TIGD5: variants seen among roughly 807,000 people sequenced by gnomAD.
TIGD5 encodes the protein tigger transposable element-derived protein 5.
TIGD5 carries 24 observed loss-of-function variants against 28.8 expected under a neutral mutation model. The observed-to-expected ratio is 0.83, with a 90% CI of 0.60 to 1.17. The LOEUF is 1.17. Ranked by LOEUF, TIGD5 falls within the 50% of genes most tolerant of loss-of-function variation. The pLI is 0.00. For synonymous variants in TIGD5, 538 were observed against 430.5 expected (o/e 1.25, Z -3.09); for missense variants, 922 against 911.4 (o/e 1.01, Z -0.15).
At position 143,598,404 on chromosome 8, in the gene TIGD5, C is replaced by T; in HGVS notation, c.501C>T (p.Ala167=). Residue 167 remains alanine, a synonymous_variant, in exon 1 of 1, where the codon GCC becomes GCT. Transcript: ENST00000504548. The surrounding 1 kb of genome is among the most constrained non-coding windows in gnomAD (Gnocchi z 6.6). ...QIYGPECTFK[A]SHGWFWRWQK... ...ACGGGCCCGAGTGCACCTTCAAGGC[C>T]AGCCACGGCTGGTTCTGGCGCTGGC... The T allele has an allele frequency of 6.5e-7, 1 of 1,530,452 alleles. No individual in the cohort carries two copies. The highest frequency in any genetic ancestry group is 8.8e-7 in the Non-Finnish European group (1 of 1,142,572). 94.8% of individuals were successfully genotyped at this position (1,530,452 alleles called of 1,614,324 possible).
chr8:143,598,601 A>T lies in TIGD5; in HGVS notation c.698A>T (p.Asp233Val). 1 of 1,205,930 alleles carries T rather than the reference A, an allele frequency of 8.3e-7. No individual in the cohort carries two copies. The highest frequency in any genetic ancestry group is 5.7e-5 in the East Asian group (1 of 17,604). The allele number at this position is 1,205,930 out of a possible 1,614,324, so 74.7% of individuals were successfully genotyped here. Residue 233 changes from aspartate (D) to valine (V), a missense_variant, in exon 1 of 1, where the codon GAC becomes GTC. By Grantham distance (152) the Asp-to-Val change is radical. Coordinates refer to ENST00000504548, the MANE Select transcript of TIGD5 (RefSeq NM_032862.5). This position sits in a 1 kb window ranked among gnomAD's most constrained non-coding sequence, Gnocchi z 6.6. Reference sequence around the variant, plus strand: ...CCCCCGGCCGAGGGCGGCTACGGGGACGAGCAGATTTACAGCGCCAGCGTC... The same window carrying T: ...CCCCCGGCCGAGGGCGGCTACGGGGTCGAGCAGATTTACAGCGCCAGCGTC... ...PPPPAEGGYG[D>V]EQIYSASVTG...
rs906479985 is a variant in TIGD5, at chr8:143,601,647, C to A, written c.*1815C>A. 2 of 152,428 alleles carry A rather than the reference C, an allele frequency of 1.3e-5. No individual in the cohort carries two copies. Among genetic ancestry groups the A allele is most frequent in the African/African-American group, 2.4e-5 (1 of 41,484 alleles). 9.4% of individuals were successfully genotyped at this position (152,428 alleles called of 1,614,324 possible). ...TCTTTGGCGAGGCTTTCATTTCCAACCTTTCTTCCCATCTCAGCCCTTTTG... is the reference window on the plus strand; with the variant it reads ...TCTTTGGCGAGGCTTTCATTTCCAAACTTTCTTCCCATCTCAGCCCTTTTG... On this transcript the variant is annotated 3_prime_UTR_variant, in exon 1 of 1. Coordinates refer to ENST00000504548, the MANE Select transcript of TIGD5 (RefSeq NM_032862.5).
chr8:143,599,575 C>A lies in TIGD5; in HGVS notation c.1672C>A (p.Pro558Thr). The stretch of plus-strand genomic sequence containing the variant: ...GGGCCCAGCCCTGCCCCCTGCAGCG[C>A]CTCCGGCCCCAGCCAGTCTGCCCTC... ...EVGPALPPAAPPAPASLPSAM... is the reference protein window; with the variant it reads ...EVGPALPPAATPAPASLPSAM... The change falls in exon 1 of 1, where the codon CCT becomes ACT. Residue 558 changes from proline to threonine, a missense_variant. Physicochemically the swap from Pro to Thr is conservative, Grantham distance 38. Around this residue, in one of 3 missense-constraint regions of TIGD5, gnomAD observed 821 missense variants for 815.2 expected, o/e 1.01. Coordinates refer to ENST00000504548, the MANE Select transcript of TIGD5 (RefSeq NM_032862.5). 6.5e-7 allele frequency: 1 copy of A among 1,534,936 alleles called. No homozygotes were observed. Among genetic ancestry groups the A allele is most frequent in the Non-Finnish European group, 8.7e-7 (1 of 1,144,276 alleles).
Position 143,598,974 on chromosome 8 carries a change from G to T in TIGD5, c.1071G>T (p.Val357=). ...TGCAGCAGAAGGCCGTGCTGCTGGT[G>T]GCCCACCCGCCCTGCCCAAGCCCAG... is the stretch of plus-strand genomic sequence containing the variant. ...SCLQQKAVLL[V]AHPPCPSPAA... The change falls in exon 1 of 1, where the codon GTG becomes GTT. Residue 357 remains valine (V), a synonymous_variant. Coordinates refer to ENST00000504548, the MANE Select transcript of TIGD5 (RefSeq NM_032862.5). This position sits in a 1 kb window ranked among gnomAD's most constrained non-coding sequence, Gnocchi z 6.6. 2 of 1,578,126 alleles carry T rather than the reference G, an allele frequency of 1.3e-6. No homozygotes were observed. Among genetic ancestry groups the T allele is most frequent in the South Asian group, 1.1e-5 (1 of 87,788 alleles).
Position 143,598,578 on chromosome 8 carries a change from C to G in TIGD5, c.675C>G (p.Pro225=), listed in dbSNP as rs1244837574. The G allele has an allele frequency of 9.0e-6, 12 of 1,339,300 alleles. No homozygotes were observed. The highest frequency in any genetic ancestry group is 1.1e-5 in the Non-Finnish European group (12 of 1,052,556). The allele number at this position is 1,339,300 out of a possible 1,614,324, so 83.0% of individuals were successfully genotyped here. A position where few individuals can be genotyped will look rare whatever the true frequency, so the allele number is the denominator to read the frequency against. ...PLPDRAPAPP[P]PAEGGYGDEQ... is the part of the protein sequence containing the mutation. ...CCGACCGCGCCCCGGCCCCGCCGCCCCCGGCCGAGGGCGGCTACGGGGACG... is the reference window on the plus strand; with the variant it reads ...CCGACCGCGCCCCGGCCCCGCCGCCGCCGGCCGAGGGCGGCTACGGGGACG... The change falls in exon 1 of 1, where the codon CCC becomes CCG. Residue 225 remains proline, a synonymous_variant. Coordinates refer to ENST00000504548, the MANE Select transcript of TIGD5 (RefSeq NM_032862.5). The surrounding 1 kb of genome is among the most constrained non-coding windows in gnomAD (Gnocchi z 6.6).
At position 143,598,477 on chromosome 8, in the gene TIGD5, C is replaced by T. The variant is rs1221868779; in HGVS notation, c.574C>T (p.Pro192Ser). 3.5e-6 allele frequency: 5 copies of T among 1,417,262 alleles called. No homozygotes were observed. The highest frequency in any genetic ancestry group is 6.0e-5 in the East Asian group (2 of 33,432). 87.8% of individuals were successfully genotyped at this position (1,417,262 alleles called of 1,614,324 possible). Residue 192 changes from proline (P) to serine (S), a missense_variant, in exon 1 of 1, where the codon CCC becomes TCC. By Grantham distance (74) the Pro-to-Ser change is moderately conservative. Coordinates refer to ENST00000504548, the MANE Select transcript of TIGD5 (RefSeq NM_032862.5). The surrounding 1 kb of genome is among the most constrained non-coding windows in gnomAD (Gnocchi z 6.6). ...CCAGCGCTTCTACGGCGAGGCCGGG[C>T]CCCCAGCCCCGAGCCCCGCGCCCGG... is the stretch of plus-strand genomic sequence containing the variant. Reference protein sequence around the residue: ...SSQRFYGEAGPPAPSPAPGPP... With the variant: ...SSQRFYGEAGSPAPSPAPGPP...
Position 143,598,078 on chromosome 8 carries a change from A to G in TIGD5, c.175A>G (p.Lys59Glu). The change falls in exon 1 of 1, where the codon AAG (lysine) becomes GAG (glutamate). Residue 59 changes from lysine to glutamate, a missense_variant. Around this residue, in one of 3 missense-constraint regions of TIGD5, gnomAD observed 14 missense variants for 35.3 expected, o/e 0.40. Transcript: ENST00000504548. This position sits in a 1 kb window ranked among gnomAD's most constrained non-coding sequence, Gnocchi z 6.6. ...GGCCTTCCGCAAGGCCTACTCCATC[A>G]AGGACAAGCTGCAGGCCATCGAGCG... Reference protein sequence around the residue: ...KMAFRKAYSIKDKLQAIERVK... With the variant: ...KMAFRKAYSIEDKLQAIERVK... The G allele has an allele frequency of 6.5e-7, 1 of 1,526,744 alleles. No individual in the cohort carries two copies. Among genetic ancestry groups the G allele is most frequent in the Non-Finnish European group, 8.8e-7 (1 of 1,142,114 alleles). 94.6% of individuals were successfully genotyped at this position (1,526,744 alleles called of 1,614,324 possible). A position where few individuals can be genotyped will look rare whatever the true frequency, so the allele number is the denominator to read the frequency against.
At position 143,601,171 on chromosome 8, in the gene TIGD5, G is replaced by A. The variant is rs1251652504; in HGVS notation, c.*1339G>A. 3.3e-5 allele frequency: 5 copies of A among 152,178 alleles called. No individual in the cohort carries two copies. Among genetic ancestry groups the A allele is most frequent in the Non-Finnish European group, 7.3e-5 (5 of 68,056 alleles). The allele number at this position is 152,178 out of a possible 1,614,324, so 9.4% of individuals were successfully genotyped here. ...TCCCCCAAAAGTGACCTTTATACAG[G>A]TCCAGGAACAAACAGTTCCTTGGAA... On this transcript the variant is annotated 3_prime_UTR_variant, in exon 1 of 1. Coordinates refer to ENST00000504548, the MANE Select transcript of TIGD5 (RefSeq NM_032862.5).
rs139786888 is a variant in TIGD5 at position 143,600,181 on chromosome 8, C to T, written c.*349C>T. ...CCCTGCACCAGTCACATGCACTGGA[C>T]GAGGGCCGAAACTCCTGTCTGCTAT... is the stretch of plus-strand genomic sequence containing the variant. On this transcript the variant is annotated 3_prime_UTR_variant, in exon 1 of 1. Transcript: ENST00000504548. 6.7e-5 allele frequency: 20 copies of T among 297,268 alleles called. No homozygotes were observed. Among genetic ancestry groups the T allele is most frequent in the Non-Finnish European group, 1.1e-4 (18 of 161,120 alleles). The allele number at this position is 297,268 out of a possible 1,614,324, so 18.4% of individuals were successfully genotyped here. A position where few individuals can be genotyped will look rare whatever the true frequency, so the allele number is the denominator to read the frequency against.
rs1182896054 is a variant in TIGD5 at position 143,598,461 on chromosome 8, C to G, written c.558C>G (p.Phe186Leu). 51 of 1,466,954 alleles carry G rather than the reference C, an allele frequency of 3.5e-5. No individual in the cohort carries two copies. The highest frequency in any genetic ancestry group is 4.3e-5 in the Non-Finnish European group (48 of 1,112,994). The allele number at this position is 1,466,954 out of a possible 1,614,324, so 90.9% of individuals were successfully genotyped here. ...QKRHGISSQRFYGEAGPPAPS... is the reference protein window; with the variant it reads ...QKRHGISSQRLYGEAGPPAPS... ...GCCACGGCATCTCCAGCCAGCGCTT[C>G]TACGGCGAGGCCGGGCCCCCAGCCC... The change falls in exon 1 of 1, where the codon TTC (phenylalanine) becomes TTG (leucine). Residue 186 changes from phenylalanine to leucine, a missense_variant. By Grantham distance (22) the Phe-to-Leu change is conservative (BLOSUM62 0). This residue lies in a region of TIGD5 where 821 missense variants were observed against 815.2 expected (regional missense o/e 1.01). Transcript: ENST00000504548. This position sits in a 1 kb window ranked among gnomAD's most constrained non-coding sequence, Gnocchi z 6.6.
At position 143,599,478 on chromosome 8, in the gene TIGD5, T is replaced by C. The variant is rs751877994; in HGVS notation, c.1575T>C (p.Ala525=). ...HLAALAYKCL[A]PEEVAEWLHL... is the part of the protein sequence containing the mutation. Reference sequence around the variant, plus strand: ...CGGCTCTGGCCTACAAGTGCCTGGCTCCGGAGGAGGTTGCGGAGTGGCTGC... The same window carrying C: ...CGGCTCTGGCCTACAAGTGCCTGGCCCCGGAGGAGGTTGCGGAGTGGCTGC... The change falls in exon 1 of 1, where the codon GCT becomes GCC. Residue 525 remains alanine, a synonymous_variant. Transcript: ENST00000504548. The C allele has an allele frequency of 1.9e-6, 3 of 1,592,360 alleles. No individual in the cohort carries two copies. The highest frequency in any genetic ancestry group is 2.6e-6 in the Non-Finnish European group (3 of 1,170,338).
In TIGD5 at chr8:143,598,147, G is replaced by A. The variant is rs757572588; in HGVS notation, c.244G>A (p.Gly82Ser). The change falls in exon 1 of 1, where the codon GGC becomes AGC. Residue 82 changes from glycine to serine, a missense_variant. Gly to Ser is a moderately conservative substitution (Grantham distance 56, BLOSUM62 0). This residue lies in a region of TIGD5 where 821 missense variants were observed against 815.2 expected (regional missense o/e 1.01). Coordinates refer to ENST00000504548, the MANE Select transcript of TIGD5 (RefSeq NM_032862.5). The surrounding 1 kb of genome is among the most constrained non-coding windows in gnomAD (Gnocchi z 6.6). Reference sequence around the variant, plus strand: ...GCAGGCCAGTGTGTGCCGCGACTTCGGCGTGCCGGGCGGGACGCTGCGCGG... The same window carrying A: ...GCAGGCCAGTGTGTGCCGCGACTTCAGCGTGCCGGGCGGGACGCTGCGCGG... ...ERQASVCRDFGVPGGTLRGWL... is the reference protein window; with the variant it reads ...ERQASVCRDFSVPGGTLRGWL... 6.3e-7 allele frequency: 1 copy of A among 1,592,530 alleles called. No individual in the cohort carries two copies. The highest frequency in any genetic ancestry group is 1.7e-5 in the Admixed American group (1 of 58,454).
chr8:143,598,465 G>A lies in TIGD5; in HGVS notation c.562G>A (p.Gly188Ser), dbSNP rs1829147519. 1 of 1,460,150 alleles carries A rather than the reference G, an allele frequency of 6.8e-7. No individual in the cohort carries two copies. The highest frequency in any genetic ancestry group is 9.0e-7 in the Non-Finnish European group (1 of 1,109,876). The allele number at this position is 1,460,150 out of a possible 1,614,324, so 90.4% of individuals were successfully genotyped here. A position where few individuals can be genotyped will look rare whatever the true frequency, so the allele number is the denominator to read the frequency against. The change falls in exon 1 of 1, where the codon GGC (glycine) becomes AGC (serine). Residue 188 changes from glycine to serine, a missense_variant. This residue lies in a region of TIGD5 where 821 missense variants were observed against 815.2 expected (regional missense o/e 1.01). Transcript: ENST00000504548. This position sits in a 1 kb window ranked among gnomAD's most constrained non-coding sequence, Gnocchi z 6.6. ...CGGCATCTCCAGCCAGCGCTTCTACGGCGAGGCCGGGCCCCCAGCCCCGAG... is the reference window on the plus strand; with the variant it reads ...CGGCATCTCCAGCCAGCGCTTCTACAGCGAGGCCGGGCCCCCAGCCCCGAG... ...RHGISSQRFY[G>S]EAGPPAPSPA...
chr8:143,599,102 G>A lies in TIGD5; in HGVS notation c.1199G>A (p.Arg400Gln). 6.3e-7 allele frequency: 1 copy of A among 1,581,966 alleles called. No homozygotes were observed. The change falls in exon 1 of 1, where the codon CGG (arginine) becomes CAG (glutamine). Residue 400 changes from arginine to glutamine, a missense_variant. Arg to Gln is a conservative substitution (Grantham distance 43, BLOSUM62 1). This residue lies in a region of TIGD5 where 821 missense variants were observed against 815.2 expected (regional missense o/e 1.01). Coordinates refer to ENST00000504548, the MANE Select transcript of TIGD5 (RefSeq NM_032862.5). The stretch of plus-strand genomic sequence containing the variant: ...CTGCAGACACCGGATGGCGCTGTGC[G>A]GGTGCTGTTCCTGTCCAAAGGCAGC... ...EELQTPDGAVRVLFLSKGSSR... is the reference protein window; with the variant it reads ...EELQTPDGAVQVLFLSKGSSR...
Position 143,598,017 on chromosome 8 carries a change from C to A in TIGD5, c.114C>A (p.Pro38=), listed in dbSNP as rs548007366. ...TCCCCGCTGCACGGCCGCCGCCCCC[C>A]GCGCCCGGGCCGCGGCCCCGCGTGG... The part of the protein sequence containing the change: ...APVPAARPPP[P]APGPRPRVAV... The change falls in exon 1 of 1, where the codon CCC becomes CCA. Residue 38 remains proline, a synonymous_variant. Transcript: ENST00000504548. This position sits in a 1 kb window ranked among gnomAD's most constrained non-coding sequence, Gnocchi z 6.6. 141 of 1,295,824 alleles carry A rather than the reference C, an allele frequency of 1.1e-4. No homozygotes were observed. In the African/African-American group the frequency reaches 1.9e-3, roughly 17 times the overall value. 80.3% of individuals were successfully genotyped at this position (1,295,824 alleles called of 1,614,324 possible). A position where few individuals can be genotyped will look rare whatever the true frequency, so the allele number is the denominator to read the frequency against.
Position 143,598,503 on chromosome 8 carries a change from C to T in TIGD5, c.600C>T (p.Gly200=). The T allele has an allele frequency of 1.5e-6, 2 of 1,367,896 alleles. No homozygotes were observed. Among genetic ancestry groups the T allele is most frequent in the South Asian group, 1.6e-5 (1 of 61,032 alleles). The allele number at this position is 1,367,896 out of a possible 1,614,324, so 84.7% of individuals were successfully genotyped here. ...AGPPAPSPAP[G]PPVKEEPALP... ...CCCCAGCCCCGAGCCCCGCGCCCGG[C>T]CCGCCCGTCAAGGAGGAGCCCGCGC... Residue 200 remains glycine, a synonymous_variant, in exon 1 of 1, where the codon GGC becomes GGT. Transcript: ENST00000504548. This position sits in a 1 kb window ranked among gnomAD's most constrained non-coding sequence, Gnocchi z 6.6.
At position 143,599,036 on chromosome 8, in the gene TIGD5, C is replaced by T; in HGVS notation, c.1133C>T (p.Pro378Leu). 6.4e-7 allele frequency: 1 copy of T among 1,570,652 alleles called. No individual in the cohort carries two copies. Among genetic ancestry groups the T allele is most frequent in the Non-Finnish European group, 8.6e-7 (1 of 1,164,470 alleles). Residue 378 changes from proline (P) to leucine (L), a missense_variant, in exon 1 of 1, where the codon CCC becomes CTC. Transcript: ENST00000504548. ...SMPALDSEDA[P>L]VRCRPEPLGP... ...CCCGCCCTGGACAGCGAGGATGCCC[C>T]CGTGCGGTGCAGGCCGGAGCCCCTC...
In TIGD5 at chr8:143,599,737, C is replaced by T. The variant is rs749994005; in HGVS notation, c.1834C>T (p.Pro612Ser). 3.3e-6 allele frequency: 5 copies of T among 1,502,298 alleles called. No individual in the cohort carries two copies. The Admixed American group carries it at 6.9e-5, about 21-fold the overall frequency. 93.1% of individuals were successfully genotyped at this position (1,502,298 alleles called of 1,614,324 possible). The stretch of plus-strand genomic sequence containing the variant: ...GAACCAGGACCCCAGAGAGGTGGGG[C>T]CACTGAGGCTGGTGCAGTTGCGCTC... ...LENQDPREVG[P>S]LRLVQLRSLI... Residue 612 changes from proline (P) to serine (S), a missense_variant, in exon 1 of 1, where the codon CCA (proline) becomes TCA (serine). Pro to Ser is a moderately conservative substitution (Grantham distance 74, BLOSUM62 -1). Around this residue, in one of 3 missense-constraint regions of TIGD5, gnomAD observed 821 missense variants for 815.2 expected, o/e 1.01. Transcript: ENST00000504548.
At position 143,599,268 on chromosome 8, in the gene TIGD5, G is replaced by A. The variant is rs1183240746; in HGVS notation, c.1365G>A (p.Lys455=). The A allele has an allele frequency of 6.2e-7, 1 of 1,611,364 alleles. No individual in the cohort carries two copies. The highest frequency in any genetic ancestry group is 8.5e-7 in the Non-Finnish European group (1 of 1,179,482). ...ACTTCATGCGCAGCTTCATGCTCAA[G>A]GACATGCTCTACCTGGCTGGCCTCT... ...PLDFMRSFML[K]DMLYLAGLSW... The change falls in exon 1 of 1, where the codon AAG becomes AAA. Residue 455 remains lysine, a synonymous_variant. Coordinates refer to ENST00000504548, the MANE Select transcript of TIGD5 (RefSeq NM_032862.5).
Sources: gnomAD v4.1 joint callset for allele counts on GRCh38, gnomAD v4.1.1 for gene constraint, gnomAD v4.1.1 regional missense constraint, Gnocchi (gnomAD v3.1) non-coding constraint, MANE v1.5 for transcripts, NCBI Gene and HGNC (gene_info 2026-07-23, HGNC 2026-07-21) for gene names.